Variants in ADAM22 observed in about 807,000 individuals in gnomAD.
ADAM22 encodes the protein disintegrin and metalloproteinase domain-containing protein 22.
ADAM22 carries 65 observed loss-of-function variants against 144.6 expected under a neutral mutation model. The ratio of observed to expected loss-of-function variants is 0.45; its 90% confidence interval spans 0.37 to 0.55. The LOEUF is 0.55. Ranked by LOEUF, ADAM22 falls within the 20% of genes least tolerant of loss-of-function variation. The pLI, the probability that ADAM22 is intolerant of heterozygous loss-of-function variation, is 0.00. For missense variants in ADAM22, 974 were observed against 1,184.9 expected (o/e 0.82, Z 2.61); for synonymous variants, 391 against 412.6 (o/e 0.95, Z 0.63).
intron 3 of ADAM22, among the ~76,000 whole-genome samples, chr7:88,049,143 A>G (rs1036248736): frequency 1.3e-5 from 2 of 152,198 alleles, no homozygotes; most frequent in African/African-American, 2.4e-5. Context: ...GGTTGTTCTC[A>G]GAAGAGGCCT....
chr7:87,994,815 C>G (rs533506352), intron 3 of ADAM22, among the ~76,000 whole-genome samples: 50 of 152,144 alleles, frequency 3.3e-4, no homozygotes, highest in African/African-American at 1.2e-3. Flanking sequence ...GGCTTTGAAA[C>G]AGCTTTCTAG....
intron 3 of ADAM22, among the ~76,000 whole-genome samples, chr7:88,039,129 G>A (rs1315824839): frequency 1.3e-5 from 2 of 151,878 alleles, no homozygotes; most frequent in African/African-American, 4.8e-5. Flanking sequence ...TCAAGTTTAT[G>A]AGAAGGAGTT....
intron 2 of ADAM22, among the ~76,000 whole-genome samples, chr7:87,955,165 C>G (rs1384383013): frequency 6.6e-6 from 1 of 152,208 alleles, no homozygotes; most frequent in Non-Finnish European, 1.5e-5. Context: ...CAGCTTTGTT[C>G]CGTTGCTGGT....
intron 25 of ADAM22, 123 bp downstream of exon 25, chr7:88,168,350 C>A: frequency 1.0e-6 from 1 of 964,216 alleles, no homozygotes; most frequent in Non-Finnish European, 1.6e-6. Context: ...ATCAGCTTGG[C>A]TCAGCAGCCA....
At chr7:88,177,637 C>T (rs763481359) in intron 26 of ADAM22, among the ~76,000 whole-genome samples, 2 of 152,090 alleles carry the variant, frequency 1.3e-5, no homozygotes, top group Non-Finnish European at 1.5e-5. Context: ...AAAAATCTTT[C>T]AGATTCACAG....
rs1554432335 is a variant in ADAM22, at chr7:88,053,634, A to AAGAAAGAAAGAAAG, written c.324-21990_324-21977dup. Among the ~76,000 whole-genome samples, 230 of 96,642 alleles carry AAGAAAGAAAGAAAG rather than the reference A, an allele frequency of 2.4e-3. 5 individuals carry two copies. The highest frequency in any genetic ancestry group is 2.7e-3 in the Non-Finnish European group (108 of 39,832). The allele number at this position is 96,642 out of a possible 152,430, so 63.4% of individuals were successfully genotyped here. A position where few individuals can be genotyped will look rare whatever the true frequency, so the allele number is the denominator to read the frequency against. On this transcript the variant is annotated intron_variant, in intron 3 of 31. Coordinates refer to ENST00000413139, the MANE Select transcript of ADAM22 (RefSeq NM_001324418.2). ...AAAGAAAGAAAGAAAGAAAGAAAGA[A>AAGAAAGAAAGAAAG]AGAAAGAAAGAAAGAAACCAAGTAA...
At chr7:88,097,522 T>G (rs1821708676) in intron 4 of ADAM22, among the ~76,000 whole-genome samples, 1 of 151,946 alleles carries the variant, frequency 6.6e-6, no homozygotes, top group South Asian at 2.1e-4. Flanking sequence ...AGGATAGAAT[T>G]GAAGTGAAAC....
intron 3 of ADAM22, among the ~76,000 whole-genome samples, chr7:88,012,681 C>T (rs984609240): frequency 9.2e-5 from 14 of 152,152 alleles, no homozygotes; most frequent in Non-Finnish European, 1.9e-4. Flanking sequence ...TGTTCATGTG[C>T]TGGTAAGGTA....
chr7:88,022,779 A>T (rs9649105), intron 3 of ADAM22, among the ~76,000 whole-genome samples: 60,541 of 151,944 alleles, frequency 0.4, 13,364 homozygotes, highest in East Asian at 0.59. Context: ...ATATTTATAT[A>T]CTCTGTCTTC....
chr7:87,951,121 T>C (rs1845008877), intron 2 of ADAM22, among the ~76,000 whole-genome samples: 1 of 152,018 alleles, frequency 6.6e-6, no homozygotes, highest in Non-Finnish European at 1.5e-5. Flanking sequence ...TTTCTTTTGC[T>C]GTGCAGAAGT....
At chr7:88,053,979 AAAATTAGCCAGGCATGGTAGCAT>A (rs1807424223) in intron 3 of ADAM22, among the ~76,000 whole-genome samples, 1 of 152,096 alleles carries the variant, frequency 6.6e-6, no homozygotes, top group Non-Finnish European at 1.5e-5. Context: ...AAAAATACAA[AAAATTAGCCAGGCATGGTAGCAT>A]GCGCCTGTAA....
rs183790659 is a variant in ADAM22 at position 88,168,385 on chromosome 7, G to A, written c.2282+158G>A. 1.1e-3 allele frequency: 790 copies of A among 732,352 alleles called. 5 individuals carry two copies. In the African/African-American group the frequency reaches 0.012, roughly 11 times the overall value. The allele number at this position is 732,352 out of a possible 1,614,324, so 45.4% of individuals were successfully genotyped here. A position where few individuals can be genotyped will look rare whatever the true frequency, so the allele number is the denominator to read the frequency against. ...AGTCAATGCTTATTCTTGGCATGGC[G>A]AGAAGTGATAATAACATCATTTTTT... is the stretch of plus-strand genomic sequence containing the variant. On this transcript the variant is annotated intron_variant, in intron 25 of 31. Coordinates refer to ENST00000413139, the MANE Select transcript of ADAM22 (RefSeq NM_001324418.2).
chr7:88,063,483 G>T (rs190944092), intron 3 of ADAM22, among the ~76,000 whole-genome samples: 2 of 152,172 alleles, frequency 1.3e-5, no homozygotes, highest in Admixed American at 6.5e-5. Context: ...GGATCATTCA[G>T]GAGACTAAAC....
intron 25 of ADAM22, among the ~76,000 whole-genome samples, chr7:88,170,691 T>C (rs911156207): frequency 2.0e-5 from 3 of 151,938 alleles, no homozygotes; most frequent in Non-Finnish European, 4.4e-5. Context: ...ATGTTACCAA[T>C]GAAATCCATA....
intron 2 of ADAM22, among the ~76,000 whole-genome samples, chr7:87,973,353 G>A (rs1031663124): frequency 4.6e-5 from 7 of 152,110 alleles, no homozygotes; most frequent in African/African-American, 1.7e-4. Context: ...ACCATCACTG[G>A]CCATCAGAGA....
intron 7 of ADAM22, among the ~76,000 whole-genome samples, chr7:88,122,630 G>T (rs550960518): frequency 6.6e-6 from 1 of 152,128 alleles, no homozygotes; most frequent in Non-Finnish European, 1.5e-5. Context: ...GGGTTTTTGG[G>T]TGTAATTTCT....
intron 14 of ADAM22, 100 bp from the exon 15 acceptor site, chr7:88,142,908 GTAGACTTTATTCCCTCAT>G (rs1330951501): frequency 2.5e-5 from 15 of 592,716 alleles, no homozygotes; most frequent in Non-Finnish European, 4.5e-5. Flanking sequence ...TCATACATAA[GTAGACTTTATTCCCTCAT>G]TTTAAAGAGT....
At chr7:87,934,660 AT>A (rs57360340) in intron 1 of ADAM22, 110 bp downstream of exon 1, 233,393 of 700,040 alleles carry the variant, frequency 0.33, 8,847 homozygotes, top group Non-Finnish European at 0.34. Flanking sequence ...GCGCGGGGAG[AT>A]TTTTTTTTTT....
intron 21 of ADAM22, among the ~76,000 whole-genome samples, chr7:88,155,673 A>G (rs936817228): frequency 6.6e-6 from 1 of 152,186 alleles, no homozygotes; most frequent in African/African-American, 2.4e-5. Flanking sequence ...AAGCTAGAAA[A>G]CAATTGAGAT....
Sources: gnomAD v4.1 joint callset for allele counts (sites outside exome capture counted in the v4.1 genomes callset) on GRCh38, gnomAD v4.1.1 for gene constraint, MANE v1.5 for transcripts, NCBI Gene and HGNC (gene_info 2026-07-23, HGNC 2026-07-21) for gene names.